The following IMMP2L variants were observed in gnomAD, a reference collection of about 807,000 sequenced individuals.
The protein encoded by IMMP2L is mitochondrial inner membrane protease subunit 2.
In IMMP2L, 18 loss-of-function variants were observed where a neutral mutation model predicts 19.3. The ratio of observed to expected loss-of-function variants is 0.93; its 90% confidence interval spans 0.64 to 1.38. The LOEUF (loss-of-function observed/expected upper bound fraction) is 1.38, where lower values mean the gene tolerates loss of function less well. IMMP2L is among the 40% of genes most tolerant of loss of function. IMMP2L has a pLI of 0.00. For synonymous variants in IMMP2L, 76 were observed against 73.0 expected, an observed-to-expected ratio of 1.04 and a Z score of -0.21; for missense variants, 233 against 218.2, an observed-to-expected ratio of 1.07 and a Z score of -0.43.
intron 5 of IMMP2L, among the ~76,000 whole-genome samples, chr7:110,838,157 T>C (rs1804692442): frequency 6.6e-6 from 1 of 150,782 alleles, no homozygotes. Flanking sequence ...TCAGTAGTTA[T>C]CTGGGCCTTT....
chr7:111,206,595 A>G (rs537825911), intron 3 of IMMP2L, among the ~76,000 whole-genome samples: 2 of 152,306 alleles, frequency 1.3e-5, no homozygotes, highest in South Asian at 4.1e-4. Context: ...GTATCAAAAT[A>G]ATAACATAAG....
intron 3 of IMMP2L, among the ~76,000 whole-genome samples, chr7:110,965,822 G>A (rs1156511433): frequency 1.3e-5 from 2 of 152,082 alleles, no homozygotes; most frequent in East Asian, 3.9e-4. Context: ...AATTGCTGTT[G>A]AGGGATTAGG....
intron 3 of IMMP2L, among the ~76,000 whole-genome samples, chr7:111,398,426 G>A (rs775122136): frequency 3.9e-5 from 6 of 152,008 alleles, no homozygotes; most frequent in African/African-American, 1.2e-4. Flanking sequence ...TCCAGCATCC[G>A]TTTATGATTA....
chr7:111,251,678 A>G (rs1816139785), intron 3 of IMMP2L, among the ~76,000 whole-genome samples: 1 of 152,262 alleles, frequency 6.6e-6, no homozygotes, highest in East Asian at 1.9e-4. Flanking sequence ...TTATTTATAA[A>G]TGGGAGCTGA....
chr7:111,414,629 G>A (rs1395734867), intron 3 of IMMP2L, among the ~76,000 whole-genome samples: 2 of 151,762 alleles, frequency 1.3e-5, no homozygotes, highest in Non-Finnish European at 2.9e-5. Context: ...CCATAGAGCT[G>A]TACAACACAA....
At chr7:110,989,794 A>G (rs541682055) in intron 3 of IMMP2L, among the ~76,000 whole-genome samples, 3 of 152,020 alleles carry the variant, frequency 2.0e-5, no homozygotes, top group African/African-American at 7.2e-5. Context: ...TGATGGGCAA[A>G]TGTTTTTTAA....
chr7:110,783,067 G>A (rs1799845837), intron 5 of IMMP2L, among the ~76,000 whole-genome samples: 3 of 151,836 alleles, frequency 2.0e-5, no homozygotes, highest in African/African-American at 7.3e-5. Flanking sequence ...AGTACACCGA[G>A]GTTGGAGCAG....
At chr7:110,735,912 G>T (rs547712391) in intron 5 of IMMP2L, among the ~76,000 whole-genome samples, 1 of 150,504 alleles carries the variant, frequency 6.6e-6, no homozygotes, top group Admixed American at 6.6e-5. Flanking sequence ...GAGATTGTTG[G>T]GGCTGCCACT....
intron 3 of IMMP2L, among the ~76,000 whole-genome samples, chr7:111,326,326 CA>C (rs984992699): frequency 9.2e-5 from 14 of 151,678 alleles, no homozygotes; most frequent in Non-Finnish European, 1.6e-4. Context: ...CTCAAAACTA[CA>C]AAAAAGTTTT....
At position 110,870,981 on chromosome 7, in the gene IMMP2L, C is replaced by T. The variant is rs956767223; in HGVS notation, c.408+15612G>A. On this transcript the variant is annotated intron_variant, in intron 5 of 5. Coordinates refer to ENST00000405709, the MANE Select transcript of IMMP2L (RefSeq NM_032549.4). The surrounding 1 kb of genome is among the most constrained non-coding windows in gnomAD (Gnocchi z 4.2). ...AAGCATGCAGCCCAGTTAGGAGGCC[C>T]CTGATGACCTGAATCAGTGAGGCAG... Among the ~76,000 whole-genome samples the T allele has an allele frequency of 6.6e-6, 1 of 152,086 alleles. No individual in the cohort carries two copies. Among genetic ancestry groups the T allele is most frequent in the Non-Finnish European group, 1.5e-5 (1 of 67,984 alleles).
At chr7:111,270,966 T>C (rs767836567) in intron 3 of IMMP2L, among the ~76,000 whole-genome samples, 2 of 152,168 alleles carry the variant, frequency 1.3e-5, no homozygotes, top group Non-Finnish European at 2.9e-5. Context: ...ATATACTCCA[T>C]TAACATACTG....
At chr7:111,100,414 A>T (rs957729538) in intron 3 of IMMP2L, among the ~76,000 whole-genome samples, 2 of 148,252 alleles carry the variant, frequency 1.3e-5, no homozygotes, top group African/African-American at 4.9e-5. Context: ...CTTAAACTTT[A>T]TATATAATAA....
At chr7:110,849,583 C>T (rs753053090) in intron 5 of IMMP2L, among the ~76,000 whole-genome samples, 1 of 151,902 alleles carries the variant, frequency 6.6e-6, no homozygotes, top group African/African-American at 2.4e-5. Flanking sequence ...GTAATCAAAG[C>T]AAAATGTAAA....
At chr7:110,841,209 G>GATAT (rs57528424) in intron 5 of IMMP2L, among the ~76,000 whole-genome samples, 11 of 151,450 alleles carry the variant, frequency 7.3e-5, no homozygotes, top group African/African-American at 2.2e-4. Context: ...ATTATGTTTT[G>GATAT]ATATATATAT....
At chr7:110,915,822 C>T (rs1813550002) in intron 4 of IMMP2L, among the ~76,000 whole-genome samples, 1 of 152,072 alleles carries the variant, frequency 6.6e-6, no homozygotes, top group Non-Finnish European at 1.5e-5. Context: ...GAAAAGAAAA[C>T]TGTTGATAGG....
intron 3 of IMMP2L, among the ~76,000 whole-genome samples, chr7:111,047,998 G>C (rs1374512357): frequency 6.6e-6 from 1 of 151,854 alleles, no homozygotes; most frequent in Non-Finnish European, 1.5e-5. Flanking sequence ...CCAGCACTTT[G>C]GGAGGCCGAG....
chr7:111,095,622 C>A (rs1480327090), intron 3 of IMMP2L, among the ~76,000 whole-genome samples: 1 of 151,718 alleles, frequency 6.6e-6, no homozygotes, highest in African/African-American at 2.4e-5. Flanking sequence ...AGAGTTTTGC[C>A]CTGTTTTTAA....
chr7:111,002,614 T>A (rs1470649314), intron 3 of IMMP2L, among the ~76,000 whole-genome samples: 1 of 152,120 alleles, frequency 6.6e-6, no homozygotes, highest in Non-Finnish European at 1.5e-5. Flanking sequence ...CTAGAGTAGT[T>A]TTGCTTTCAT....
chr7:110,773,813 G>A (rs1799192896), intron 5 of IMMP2L, among the ~76,000 whole-genome samples: 1 of 138,690 alleles, frequency 7.2e-6, no homozygotes, highest in Non-Finnish European at 1.5e-5. Flanking sequence ...GCTCAATGCA[G>A]TTAATAGTCT....
Sources: allele counts gnomAD v4.1 joint callset (sites outside exome capture counted in the v4.1 genomes callset), GRCh38; gene constraint gnomAD v4.1.1; non-coding constraint Gnocchi (gnomAD v3.1); transcripts MANE v1.5; gene names NCBI Gene and HGNC (gene_info 2026-07-23, HGNC 2026-07-21).